Variants in PTPN2 observed in about 807,000 individuals in gnomAD.
PTPN2 encodes tyrosine-protein phosphatase non-receptor type 2.
In PTPN2, 19 loss-of-function variants were observed where a neutral mutation model predicts 57.3. The observed-to-expected ratio is 0.33, with a 90% CI of 0.23 to 0.49. PTPN2 has a LOEUF of 0.49. PTPN2 is among the 20% of genes least tolerant of loss of function. The pLI is 0.99. For synonymous variants in PTPN2, 153 were observed against 164.9 expected (o/e 0.93, Z 0.55); for missense variants, 358 against 501.1 (o/e 0.71, Z 2.73).
Position 12,792,979 on chromosome 18 carries a change from A to T in PTPN2, c.*1299T>A. On this transcript the variant is annotated 3_prime_UTR_variant, in exon 9 of 9. Coordinates refer to ENST00000309660, the MANE Select transcript of PTPN2 (RefSeq NM_002828.4). ...TGGCATATAAAGAGACAAGGCAGAG[A>T]TGCTGTGGTTGAAAGTAACCTCTTG... 1 of 984,416 alleles carries T rather than the reference A, an allele frequency of 1.0e-6. No homozygotes were observed. Among genetic ancestry groups the T allele is most frequent in the Non-Finnish European group, 1.2e-6 (1 of 828,996 alleles). 61.0% of individuals were successfully genotyped at this position (984,416 alleles called of 1,614,324 possible). A position where few individuals can be genotyped will look rare whatever the true frequency, so the allele number is the denominator to read the frequency against.
At chr18:12,823,444 C>T (rs1278969293) in intron 5 of PTPN2, among the ~76,000 whole-genome samples, 4 of 152,084 alleles carry the variant, frequency 2.6e-5, no homozygotes, top group Non-Finnish European at 5.9e-5. Context: ...GAGGCTGAGG[C>T]GGGCAGATCA....
At chr18:12,874,917 T>G (rs548215502) in intron 1 of PTPN2, among the ~76,000 whole-genome samples, 3 of 152,252 alleles carry the variant, frequency 2.0e-5, no homozygotes, top group Non-Finnish European at 4.4e-5. Context: ...CGTGTCTGTG[T>G]GGAAAGAAGT....
At chr18:12,812,364 G>A (rs560858134) in intron 7 of PTPN2, among the ~76,000 whole-genome samples, 4 of 152,300 alleles carry the variant, frequency 2.6e-5, no homozygotes, top group East Asian at 1.9e-4. Context: ...ACTTTGGGAC[G>A]CCGAGGTGGG....
At chr18:12,843,275 C>G (rs1052013753) in intron 2 of PTPN2, among the ~76,000 whole-genome samples, 12 of 152,204 alleles carry the variant, frequency 7.9e-5, no homozygotes, top group African/African-American at 2.2e-4. Flanking sequence ...ATCAGTGGCT[C>G]GAATGGACCA....
intron 8 of PTPN2, among the ~76,000 whole-genome samples, chr18:12,800,071 A>G (rs1169302984): frequency 1.3e-5 from 2 of 152,194 alleles, no homozygotes; most frequent in African/African-American, 2.4e-5. Context: ...GGAAAGAAGA[A>G]AACACCGCCA....
rs56243462 is a variant in PTPN2 at position 12,807,368 on chromosome 18, T to C, written c.859-5217A>G. Among the ~76,000 whole-genome samples, 519 of 151,650 alleles carry C rather than the reference T, an allele frequency of 3.4e-3. 7 individuals are homozygous for C. The highest frequency in any genetic ancestry group is 0.012 in the African/African-American group (490 of 41,374). ...AGTACAGCCATCTTGGAAAACAGCA[T>C]AAAGGTTCCTTAAAAGATTAAAAAT... On this transcript the variant is annotated intron_variant, in intron 7 of 8. Coordinates refer to ENST00000309660, the MANE Select transcript of PTPN2 (RefSeq NM_002828.4).
In PTPN2 at chr18:12,793,276, T is replaced by C; in HGVS notation, c.*1002A>G. ...GGTTTGCATATAATCATACTATTTA[T>C]TGAAGTAGAAAGAAACTGAAAAGTG... On this transcript the variant is annotated 3_prime_UTR_variant, in exon 9 of 9. Transcript: ENST00000309660. 2.1e-6 allele frequency: 2 copies of C among 973,038 alleles called. No homozygotes were observed. The highest frequency in any genetic ancestry group is 1.8e-5 in the African/African-American group (1 of 57,052). 60.3% of individuals were successfully genotyped at this position (973,038 alleles called of 1,614,324 possible).
At chr18:12,835,131 G>A (rs573374936) in intron 3 of PTPN2, among the ~76,000 whole-genome samples, 22 of 151,928 alleles carry the variant, frequency 1.4e-4, no homozygotes, top group Non-Finnish European at 3.1e-4. Flanking sequence ...ATGGTTCAAG[G>A]GTCAACTATA....
chr18:12,840,731 C>T (rs1353784798), intron 2 of PTPN2: 3 of 1,598,334 alleles, frequency 1.9e-6, no homozygotes, highest in African/African-American at 1.3e-5. Context: ...CTGCATTCTG[C>T]ATTCCATGTC....
intron 1 of PTPN2, among the ~76,000 whole-genome samples, chr18:12,866,181 G>GT (rs2043985594): frequency 1.3e-5 from 2 of 152,328 alleles, no homozygotes; most frequent in African/African-American, 2.4e-5. Context: ...GCTCACGCCT[G>GT]TAACCCTAGC....
intron 2 of PTPN2, among the ~76,000 whole-genome samples, chr18:12,840,404 A>C (rs2043004424): frequency 6.6e-6 from 1 of 152,262 alleles, no homozygotes; most frequent in Admixed American, 6.5e-5. Flanking sequence ...GAGAATACAA[A>C]CTTTAGTACA....
At chr18:12,820,497 A>C (rs532391521) in intron 5 of PTPN2, among the ~76,000 whole-genome samples, 1 of 152,318 alleles carries the variant, frequency 6.6e-6, no homozygotes, top group East Asian at 1.9e-4. Context: ...GGGGAAAAAA[A>C]GGGTTGCCAA....
At chr18:12,880,937 A>C (rs945833236) in intron 1 of PTPN2, among the ~76,000 whole-genome samples, 1 of 152,210 alleles carries the variant, frequency 6.6e-6, no homozygotes, top group Non-Finnish European at 1.5e-5. Flanking sequence ...AACAGAATTA[A>C]AGTTTCAAAA....
At chr18:12,806,094 A>G (rs2041640232) in intron 7 of PTPN2, among the ~76,000 whole-genome samples, 1 of 152,124 alleles carries the variant, frequency 6.6e-6, no homozygotes, top group African/African-American at 2.4e-5. Context: ...CTACCAAAAA[A>G]CTGTTATAAC....
chr18:12,872,763 G>C (rs2044313906), intron 1 of PTPN2, among the ~76,000 whole-genome samples: 1 of 152,170 alleles, frequency 6.6e-6, no homozygotes, highest in Non-Finnish European at 1.5e-5. Context: ...TTAAAAGCAA[G>C]GATTTCACTG....
intron 2 of PTPN2, among the ~76,000 whole-genome samples, chr18:12,854,812 G>A (rs1323910809): frequency 6.6e-6 from 1 of 152,116 alleles, no homozygotes; most frequent in Non-Finnish European, 1.5e-5. Context: ...TGAAAATAGG[G>A]GAGGGGCCAA....
chr18:12,866,595 G>GT (rs1461661224), intron 1 of PTPN2, among the ~76,000 whole-genome samples: 35 of 152,300 alleles, frequency 2.3e-4, no homozygotes, highest in African/African-American at 7.9e-4. Flanking sequence ...GAGAATAACT[G>GT]TATGTACCCA....
intron 1 of PTPN2, among the ~76,000 whole-genome samples, chr18:12,870,024 A>G (rs1359099089): frequency 1.3e-5 from 2 of 151,800 alleles, no homozygotes; most frequent in African/African-American, 4.8e-5. Context: ...CTGGTGGAGT[A>G]AGTTCTTTTC....
chr18:12,835,886 T>G (rs1244418052), intron 3 of PTPN2, among the ~76,000 whole-genome samples: 1 of 152,180 alleles, frequency 6.6e-6, no homozygotes, highest in East Asian at 1.9e-4. Flanking sequence ...CCTTTGCCAG[T>G]TTTTTCCATG....
Sources: allele counts gnomAD v4.1 joint callset (sites outside exome capture counted in the v4.1 genomes callset), GRCh38; gene constraint gnomAD v4.1.1; transcripts MANE v1.5; gene names NCBI Gene and HGNC (gene_info 2026-07-23, HGNC 2026-07-21).